KCNH1: variants seen among roughly 807,000 people sequenced by gnomAD.
KCNH1 encodes the protein voltage-gated delayed rectifier potassium channel KCNH1.
Under a neutral mutation model 69.2 loss-of-function variants are expected in KCNH1, and 27 were observed. The ratio of observed to expected loss-of-function variants is 0.39; its 90% CI spans 0.29 to 0.54. KCNH1 has a LOEUF of 0.54. Among genes scored for constraint, KCNH1 ranks in the 20% least tolerant of loss-of-function variants. KCNH1 has a pLI of 0.68. For missense variants in KCNH1, 798 were observed against 1,261.6 expected (o/e 0.63, Z 5.57); for synonymous variants, 456 against 487.7 (o/e 0.93, Z 0.86).
chr1:211,124,860 T>C (rs911955215), intron 1 of KCNH1, among the ~76,000 whole-genome samples: 1 of 152,190 alleles, frequency 6.6e-6, no homozygotes, highest in Non-Finnish European at 1.5e-5. Context: ...GTAAATACCT[T>C]GCACCTTGGT....
At chr1:211,094,900 A>G (rs918442474) in intron 3 of KCNH1, among the ~76,000 whole-genome samples, 16 of 152,198 alleles carry the variant, frequency 1.1e-4, no homozygotes, top group African/African-American at 3.6e-4. Flanking sequence ...TATTTAATGA[A>G]ATATAACTTA....
rs1486711983 is a variant in KCNH1 at position 210,718,639 on chromosome 1, T to C, written c.2113-34501A>G. 1.1e-4 allele frequency among the ~76,000 whole-genome samples: 10 copies of C among 95,214 alleles called. 1 individual carries two copies. The highest frequency in any genetic ancestry group is 9.7e-4 in the South Asian group (3 of 3,108). 62.5% of individuals were successfully genotyped at this position (95,214 alleles called of 152,430 possible). A position where few individuals can be genotyped will look rare whatever the true frequency, so the allele number is the denominator to read the frequency against. On this transcript the variant is annotated intron_variant, in intron 10 of 10. Transcript: ENST00000271751. The stretch of plus-strand genomic sequence containing the variant: ...ATGTATGTGTGTATAAATATATATA[T>C]ACATATATATATACACACACACACA...
chr1:210,916,167 T>C (rs1291110993), intron 7 of KCNH1, among the ~76,000 whole-genome samples: 2 of 152,052 alleles, frequency 1.3e-5, no homozygotes, highest in East Asian at 1.9e-4. Flanking sequence ...TACATGTGTA[T>C]ACACGGGCAA....
chr1:210,684,044 G>C lies in KCNH1; in HGVS notation c.2207C>G (p.Pro736Arg). The change falls in exon 11 of 11, where the codon CCT becomes CGT. Residue 736 changes from proline to arginine, a missense_variant. Pro to Arg is a moderately radical substitution (Grantham distance 103). Coordinates refer to ENST00000271751, the MANE Select transcript of KCNH1 (RefSeq NM_172362.3). ...EAPLILPPDH[P>R]VRRLFQRFRQ... is the part of the protein sequence containing the mutation. ...GAATCTCTGGAAGAGGCGCCGGACA[G>C]GGTGGTCCGGGGGCAAGATCAGGGG... 1 of 1,555,802 alleles carries C rather than the reference G, an allele frequency of 6.4e-7. No individual in the cohort carries two copies. Among genetic ancestry groups the C allele is most frequent in the Non-Finnish European group, 8.7e-7 (1 of 1,148,566 alleles).
chr1:210,986,708 C>T (rs912052166), intron 6 of KCNH1, among the ~76,000 whole-genome samples: 1 of 152,188 alleles, frequency 6.6e-6, no homozygotes, highest in East Asian at 1.9e-4. Flanking sequence ...TCTCTGGCTG[C>T]CCTTAACATC....
At chr1:211,005,298 C>T (rs1420703425) in intron 6 of KCNH1, among the ~76,000 whole-genome samples, 1 of 151,996 alleles carries the variant, frequency 6.6e-6, no homozygotes, top group Non-Finnish European at 1.5e-5. Flanking sequence ...AAATTCCAAG[C>T]CCAGATTGCC....
intron 7 of KCNH1, among the ~76,000 whole-genome samples, chr1:210,805,723 C>G (rs146202119): frequency 6.6e-6 from 1 of 152,264 alleles, no homozygotes; most frequent in African/African-American, 2.4e-5. Flanking sequence ...CGAAAATAAA[C>G]CCCATACCCA....
intron 6 of KCNH1, among the ~76,000 whole-genome samples, chr1:210,948,043 A>AT (rs1408642591): frequency 1.9e-5 from 2 of 106,994 alleles, no homozygotes; most frequent in Admixed American, 9.0e-5. Flanking sequence ...CCCCATCCCT[A>AT]TTAAAAAAAA....
chr1:210,898,839 G>A (rs17017026), intron 7 of KCNH1, among the ~76,000 whole-genome samples: 3,265 of 152,320 alleles, frequency 0.021, 116 homozygotes, highest in East Asian at 0.11. Context: ...GTGGGGTAAT[G>A]AGGGCCTGGA....
Position 210,686,981 on chromosome 1 carries a change from A to T in KCNH1, c.2113-2843T>A, listed in dbSNP as rs546645340. 2.6e-5 allele frequency among the ~76,000 whole-genome samples: 4 copies of T among 152,312 alleles called. No individual in the cohort carries two copies. The East Asian group carries it at 5.8e-4, about 22-fold the overall frequency. On this transcript the variant is annotated intron_variant, in intron 10 of 10. Coordinates refer to ENST00000271751, the MANE Select transcript of KCNH1 (RefSeq NM_172362.3). ...TTTGTGGAATGTAGAACACATAAAT[A>T]TTGGCTAATGAATCCGTGGGAGAAT...
At chr1:210,779,430 C>T (rs1230700348) in intron 9 of KCNH1, among the ~76,000 whole-genome samples, 1 of 152,142 alleles carries the variant, frequency 6.6e-6, no homozygotes, top group African/African-American at 2.4e-5. Flanking sequence ...GGAGATAGAA[C>T]ATTTGGCAAG....
intron 10 of KCNH1, among the ~76,000 whole-genome samples, chr1:210,774,354 T>C (rs1318325282): frequency 6.6e-6 from 1 of 152,002 alleles, no homozygotes; most frequent in African/African-American, 2.4e-5. Context: ...TGTGGGGGCC[T>C]TGAGGATGAA....
rs139485350 is a variant in KCNH1, at chr1:210,788,685, C to CT, written c.1915+8822dup. The stretch of plus-strand genomic sequence containing the variant: ...AGATTATTCATATTATAGCTTCTTT[C>CT]TTTTTTTTTTTTTTTTTTTTTTTTT... On this transcript the variant is annotated intron_variant, in intron 9 of 10. Coordinates refer to ENST00000271751, the MANE Select transcript of KCNH1 (RefSeq NM_172362.3). Among the ~76,000 whole-genome samples, 332 of 80,712 alleles carry CT rather than the reference C, an allele frequency of 4.1e-3. 21 individuals are homozygous for CT. Among genetic ancestry groups the CT allele is most frequent in the East Asian group, 8.3e-3 (21 of 2,526 alleles). The allele number at this position is 80,712 out of a possible 152,430, so 53.0% of individuals were successfully genotyped here. A position where few individuals can be genotyped will look rare whatever the true frequency, so the allele number is the denominator to read the frequency against.
At chr1:210,861,810 C>G in intron 7 of KCNH1, 1 of 762,998 alleles carries the variant, frequency 1.3e-6, no homozygotes. Context: ...GTTTTTTATA[C>G]TCATAAGTTT....
In KCNH1 at chr1:210,683,871, G is replaced by C; in HGVS notation, c.2380C>G (p.Pro794Ala). Residue 794 changes from proline to alanine, a missense_variant, in exon 11 of 11, where the codon CCT becomes GCT. Around this residue, in one of 4 missense-constraint regions of KCNH1, gnomAD observed 331 missense variants for 363.2 expected, o/e 0.91. Coordinates refer to ENST00000271751, the MANE Select transcript of KCNH1 (RefSeq NM_172362.3). The surrounding 1 kb of genome is among the most constrained non-coding windows in gnomAD (Gnocchi z 5.7). Reference protein sequence around the residue: ...KASVVTVRESPATPVSFQAAS... With the variant: ...KASVVTVRESAATPVSFQAAS... ...GCCTGGAAGGATACGGGCGTGGCAG[G>C]ACTCTCACGCACGGTGACCACGCTG... The C allele has an allele frequency of 6.2e-7, 1 of 1,614,152 alleles. No homozygotes were observed. The highest frequency in any genetic ancestry group is 8.5e-7 in the Non-Finnish European group (1 of 1,180,024).
intron 6 of KCNH1, among the ~76,000 whole-genome samples, chr1:210,977,580 T>C (rs1347748461): frequency 6.6e-6 from 1 of 152,182 alleles, no homozygotes; most frequent in African/African-American, 2.4e-5. Context: ...GATCATGCAG[T>C]ATTTGTCTTC....
chr1:210,913,344 G>A (rs1046318908), intron 7 of KCNH1, among the ~76,000 whole-genome samples: 1 of 151,960 alleles, frequency 6.6e-6, no homozygotes, highest in Non-Finnish European at 1.5e-5. Flanking sequence ...CGAGAAGGGA[G>A]TAGCAATTAT....
At chr1:211,030,257 C>T (rs1167650459) in intron 5 of KCNH1, among the ~76,000 whole-genome samples, 1 of 152,136 alleles carries the variant, frequency 6.6e-6, no homozygotes, top group Non-Finnish European at 1.5e-5. Context: ...ATACATTAAA[C>T]ATAACTGGGT....
intron 3 of KCNH1, among the ~76,000 whole-genome samples, chr1:211,091,347 T>C (rs765687921): frequency 1.3e-5 from 2 of 151,988 alleles, no homozygotes; most frequent in African/African-American, 2.4e-5. Context: ...CATGCCCGGG[T>C]AATTTTTGTA....
Sources: allele counts gnomAD v4.1 joint callset (sites outside exome capture counted in the v4.1 genomes callset), GRCh38; gene constraint gnomAD v4.1.1; regional missense constraint gnomAD v4.1.1; non-coding constraint Gnocchi (gnomAD v3.1); transcripts MANE v1.5; gene names NCBI Gene and HGNC (gene_info 2026-07-23, HGNC 2026-07-21).